The following AZIN1 variants were observed in gnomAD, a reference collection of about 807,000 sequenced individuals.
AZIN1 encodes antizyme inhibitor 1, also known as ornithine decarboxylase antizyme inhibitor.
Under a neutral mutation model 47.4 loss-of-function variants are expected in AZIN1, and 12 were observed. The observed-to-expected ratio is 0.25, with a 90% CI of 0.16 to 0.41. The LOEUF (loss-of-function observed/expected upper bound fraction) is 0.41. Among genes scored for constraint, AZIN1 ranks in the 10% least tolerant of loss-of-function variants. The pLI is 1.00. For synonymous variants in AZIN1, 155 were observed against 176.3 expected (o/e 0.88, Z 0.96); for missense variants, 410 against 532.4 (o/e 0.77, Z 2.26).
intron 1 of AZIN1, 30 bp from the exon 2 acceptor site, chr8:102,858,180 A>G: frequency 2.5e-6 from 1 of 398,734 alleles, no homozygotes; most frequent in Non-Finnish European, 4.4e-6. Flanking sequence ...GTAGCAGAAG[A>G]TAGTCCTATG....
chr8:102,831,865 A>G (rs1259860681), intron 9 of AZIN1, among the ~76,000 whole-genome samples: 1 of 151,968 alleles, frequency 6.6e-6, no homozygotes, highest in East Asian at 1.9e-4. Context: ...TGAAGGTAGG[A>G]GGACTGCTTA....
intron 1 of AZIN1, among the ~76,000 whole-genome samples, 167 bp downstream of exon 1, chr8:102,863,640 C>T (rs1227594452): frequency 2.0e-5 from 3 of 149,082 alleles, no homozygotes; most frequent in African/African-American, 7.3e-5. Context: ...CCGCCGCCGC[C>T]GCCGCCGGGG....
At chr8:102,862,036 A>C (rs1813700900) in intron 1 of AZIN1, among the ~76,000 whole-genome samples, 1 of 152,146 alleles carries the variant, frequency 6.6e-6, no homozygotes, top group Admixed American at 6.5e-5. Context: ...ACTCCAAAAA[A>C]AAAAAACCAA....
At chr8:102,829,789 A>C in intron 10 of AZIN1, 32 bp downstream of exon 10, 1 of 1,498,964 alleles carries the variant, frequency 6.7e-7, no homozygotes, top group Non-Finnish European at 9.2e-7. Context: ...ATAAAATGCC[A>C]AATAGGTTTT....
chr8:102,851,019 C>T (rs763420352), intron 2 of AZIN1, among the ~76,000 whole-genome samples: 19 of 152,078 alleles, frequency 1.2e-4, no homozygotes, highest in Non-Finnish European at 1.9e-4. Flanking sequence ...TATTTTTGCA[C>T]GTGGAATTAA....
At chr8:102,828,983 G>A (rs1378564507) in intron 11 of AZIN1, among the ~76,000 whole-genome samples, 1 of 152,142 alleles carries the variant, frequency 6.6e-6, no homozygotes, top group Non-Finnish European at 1.5e-5. Context: ...ATACACAAAC[G>A]CCACTGCATT....
intron 2 of AZIN1, among the ~76,000 whole-genome samples, chr8:102,853,872 TGGG>T (rs979088998): frequency 5.6e-5 from 7 of 124,508 alleles, no homozygotes; most frequent in Admixed American, 5.2e-4. Flanking sequence ...AATCGGGGGG[TGGG>T]GGGAGAAAAG....
chr8:102,859,498 TACA>T (rs551500731), intron 1 of AZIN1, among the ~76,000 whole-genome samples: 3 of 152,208 alleles, frequency 2.0e-5, no homozygotes, highest in Non-Finnish European at 4.4e-5. Context: ...GTGAGAACCC[TACA>T]ACATTTCCAT....
intron 3 of AZIN1, 93 bp from the exon 4 acceptor site, chr8:102,839,916 A>C: frequency 1.2e-6 from 1 of 839,710 alleles, no homozygotes; most frequent in Non-Finnish European, 1.8e-6. Context: ...TTCCTCCACA[A>C]ATATATGGGT....
rs1164601680 is a variant in AZIN1, at chr8:102,836,350, C to T, written c.490G>A (p.Glu164Lys). 1 of 1,613,842 alleles carries T rather than the reference C, an allele frequency of 6.2e-7. No individual in the cohort carries two copies. Among genetic ancestry groups the T allele is most frequent in the Non-Finnish European group, 8.5e-7 (1 of 1,179,742 alleles). ...HIATEDNIGG[E>K]EGNMKFGTTL... ...GTGCCAAACTTCATGTTACCCTCTTCACCTCCAATATTATCTTCTGTTGCA... is the reference window on the plus strand; with the variant it reads ...GTGCCAAACTTCATGTTACCCTCTTTACCTCCAATATTATCTTCTGTTGCA... Residue 164 changes from glutamate (E) to lysine (K), a missense_variant, in exon 6 of 12, where the codon GAA becomes AAA. Transcript: ENST00000337198.
intron 1 of AZIN1, among the ~76,000 whole-genome samples, chr8:102,862,395 G>GT (rs1211193568): frequency 3.3e-5 from 5 of 152,052 alleles, no homozygotes; most frequent in Non-Finnish European, 7.4e-5. Context: ...GTTTGAAAAC[G>GT]TATGTGATAA....
Position 102,849,074 on chromosome 8 carries a change from G to A in AZIN1, c.-95-5327C>T, listed in dbSNP as rs557086879. On this transcript the variant is annotated intron_variant, in intron 2 of 11. Transcript: ENST00000337198. ...GCACTCTGGGAGGCCGAGGCAGGCA[G>A]ATCACGAGGTTGAGATCGAGACCAT... 3.9e-3 allele frequency among the ~76,000 whole-genome samples: 592 copies of A among 152,234 alleles called. 7 individuals carry two copies. Among genetic ancestry groups the A allele is most frequent in the Admixed American group, 9.2e-3 (140 of 15,286 alleles).
At chr8:102,862,607 C>T (rs1336779955) in intron 1 of AZIN1, among the ~76,000 whole-genome samples, 1 of 152,192 alleles carries the variant, frequency 6.6e-6, no homozygotes, top group Non-Finnish European at 1.5e-5. Flanking sequence ...CCAACCCTTG[C>T]TGTATTTGAT....
chr8:102,858,065 G>A lies in AZIN1; in HGVS notation c.-148C>T, dbSNP rs1813404170. ...CTATCATCAGCTAGGTTCCCAAGGT[G>A]GCTCAGCGTTGAAGTCGAACTGCTC... On this transcript the variant is annotated 5_prime_UTR_variant, in exon 2 of 12. Coordinates refer to ENST00000337198, the MANE Select transcript of AZIN1 (RefSeq NM_148174.4). The A allele has an allele frequency of 2.5e-6, 1 of 398,904 alleles. No homozygotes were observed. Among genetic ancestry groups the A allele is most frequent in the Non-Finnish European group, 4.4e-6 (1 of 226,054 alleles). The allele number at this position is 398,904 out of a possible 1,614,324, so 24.7% of individuals were successfully genotyped here.
In AZIN1 at chr8:102,843,573, T is replaced by C. The variant is rs1393899298; in HGVS notation, c.80A>G (p.Asn27Ser). 1.2e-6 allele frequency: 2 copies of C among 1,613,936 alleles called. No homozygotes were observed. Among genetic ancestry groups the C allele is most frequent in the South Asian group, 2.2e-5 (2 of 91,074 alleles). ...EGTNLGNVID[N>S]YVYEHTLTGK... ...TACCAGGGTATGTTCATAAACATAG[T>C]TATCAATAACATTTCCAAGGTTTGT... Residue 27 changes from asparagine to serine, a missense_variant, in exon 3 of 12, where the codon AAC becomes AGC. Physicochemically the swap from Asn to Ser is conservative, Grantham distance 46. Around this residue, in one of 3 missense-constraint regions of AZIN1, gnomAD observed 237 missense variants for 309.4 expected, o/e 0.77. Transcript: ENST00000337198.
intron 5 of AZIN1, among the ~76,000 whole-genome samples, chr8:102,837,019 G>C (rs1166174963): frequency 1.3e-5 from 2 of 152,068 alleles, no homozygotes; most frequent in Non-Finnish European, 2.9e-5. Flanking sequence ...CTGAGTTCAA[G>C]CAATTCTCCT....
rs968847768 is a variant in AZIN1 at position 102,856,928 on chromosome 8, G to A, written c.-96+1085C>T. 4.9e-4 allele frequency among the ~76,000 whole-genome samples: 75 copies of A among 151,952 alleles called. 1 individual carries two copies. Among genetic ancestry groups the A allele is most frequent in the Non-Finnish European group, 1.3e-4 (9 of 68,004 alleles). On this transcript the variant is annotated intron_variant, in intron 2 of 11. Transcript: ENST00000337198. ...CTAGGTGAGGATGCTAATGCAATTCGTCCGAAGACTACACTGCATAACCAA... is the reference window on the plus strand; with the variant it reads ...CTAGGTGAGGATGCTAATGCAATTCATCCGAAGACTACACTGCATAACCAA...
rs530806460 is a variant in AZIN1, at chr8:102,827,917, C to G, written c.*650G>C. ...TTAACTGGGCTATAAAGAAAAAAACCCTTCAAAACAGTCCATATACACATC... is the reference window on the plus strand; with the variant it reads ...TTAACTGGGCTATAAAGAAAAAAACGCTTCAAAACAGTCCATATACACATC... On this transcript the variant is annotated 3_prime_UTR_variant, in exon 12 of 12. Transcript: ENST00000337198. 2.0e-5 allele frequency: 3 copies of G among 152,314 alleles called. No homozygotes were observed. The highest frequency in any genetic ancestry group is 7.3e-5 in the African/African-American group (3 of 41,358). The allele number at this position is 152,314 out of a possible 1,614,324, so 9.4% of individuals were successfully genotyped here.
chr8:102,854,863 C>T (rs1813185593), intron 2 of AZIN1, among the ~76,000 whole-genome samples: 1 of 151,652 alleles, frequency 6.6e-6, no homozygotes, highest in South Asian at 2.1e-4. Flanking sequence ...CTTTTCCATA[C>T]TGCACAACAT....
Sources: allele counts gnomAD v4.1 joint callset (sites outside exome capture counted in the v4.1 genomes callset), GRCh38; gene constraint gnomAD v4.1.1; regional missense constraint gnomAD v4.1.1; transcripts MANE v1.5; gene names NCBI Gene and HGNC (gene_info 2026-07-23, HGNC 2026-07-21).